CADM2: variants seen among roughly 807,000 people sequenced by gnomAD.
CADM2 encodes immunoglobulin superfamily member 4D.
A neutral mutation model predicts 49.8 loss-of-function variants in CADM2; 12 were observed. That is an observed-to-expected ratio of 0.24 (90% CI 0.15 to 0.39). The LOEUF is 0.39. CADM2 is among the 10% of genes least tolerant of loss of function. CADM2 has a pLI of 1.00. For missense variants in CADM2, 378 were observed against 492.3 expected (o/e 0.77, Z 2.20); for synonymous variants, 214 against 175.4 (o/e 1.22, Z -1.74).
At chr3:85,198,689 T>C (rs150194784) in intron 1 of CADM2, among the ~76,000 whole-genome samples, 355 of 152,046 alleles carry the variant, frequency 2.3e-3, no homozygotes, top group African/African-American at 8.0e-3. Context: ...TGTGCATACA[T>C]ATATTTAGCT....
chr3:85,375,596 C>T (rs1031563620), intron 1 of CADM2, among the ~76,000 whole-genome samples: 4 of 152,144 alleles, frequency 2.6e-5, no homozygotes, highest in African/African-American at 9.7e-5. Context: ...ACTGTCTTCC[C>T]AGCTTCCAAG....
chr3:85,387,353 T>G (rs114742085), intron 1 of CADM2, among the ~76,000 whole-genome samples: 1 of 152,306 alleles, frequency 6.6e-6, no homozygotes, highest in Non-Finnish European at 1.5e-5. Flanking sequence ...GTTATACATC[T>G]CATTAATTCT....
At chr3:85,597,014 G>A (rs1188554846) in intron 1 of CADM2, among the ~76,000 whole-genome samples, 1 of 152,064 alleles carries the variant, frequency 6.6e-6, no homozygotes, top group African/African-American at 2.4e-5. Flanking sequence ...ATGGCAGCCG[G>A]CCTTGAATAT....
At chr3:85,782,361 T>C (rs977127497) in intron 2 of CADM2, among the ~76,000 whole-genome samples, 2 of 152,116 alleles carry the variant, frequency 1.3e-5, no homozygotes, top group Non-Finnish European at 2.9e-5. Context: ...AGGAAATATA[T>C]AGTTTCAGAG....
At chr3:85,098,622 G>T (rs1215156992) in intron 1 of CADM2, among the ~76,000 whole-genome samples, 1 of 152,098 alleles carries the variant, frequency 6.6e-6, no homozygotes, top group Admixed American at 6.6e-5. Context: ...CTAAAAGAAT[G>T]TAAGGCTACA....
At chr3:85,572,299 AAAAT>A (rs908664315) in intron 1 of CADM2, among the ~76,000 whole-genome samples, 6 of 152,140 alleles carry the variant, frequency 3.9e-5, no homozygotes, top group African/African-American at 7.2e-5. Context: ...AAGTAAATAA[AAAAT>A]AAATAAACTT....
chr3:84,996,619 G>T (rs1186737797), intron 1 of CADM2, among the ~76,000 whole-genome samples: 2 of 152,022 alleles, frequency 1.3e-5, no homozygotes, highest in African/African-American at 4.8e-5. Context: ...ATCATGCTTT[G>T]TGTAATTTAT....
intron 1 of CADM2, among the ~76,000 whole-genome samples, chr3:85,196,157 C>T (rs574473920): frequency 5.9e-5 from 9 of 152,028 alleles, no homozygotes; most frequent in African/African-American, 2.2e-4. Context: ...GTTTGAATTG[C>T]CAAACTTTTT....
chr3:85,395,500 A>C (rs562844329), intron 1 of CADM2, among the ~76,000 whole-genome samples: 1 of 152,162 alleles, frequency 6.6e-6, no homozygotes, highest in South Asian at 2.1e-4. Flanking sequence ...CCGTCTAACA[A>C]ATATAAATGA....
intron 1 of CADM2, among the ~76,000 whole-genome samples, chr3:85,531,242 A>AT (rs1283778877): frequency 6.6e-6 from 1 of 151,916 alleles, no homozygotes; most frequent in Admixed American, 6.6e-5. Context: ...TTTGTCATTA[A>AT]TTTTTTGATT....
chr3:84,983,515 T>A (rs2032339433), intron 1 of CADM2, among the ~76,000 whole-genome samples: 1 of 152,176 alleles, frequency 6.6e-6, no homozygotes, highest in Non-Finnish European at 1.5e-5. Flanking sequence ...GATGAAATAA[T>A]ACCTGCATAT....
chr3:85,568,487 C>CTT lies in CADM2; in HGVS notation c.62-158033_62-158032dup, dbSNP rs1393434265. The stretch of plus-strand genomic sequence containing the variant: ...TCTCTTTCTCTCTCTTTCTTTCTTT[C>CTT]TTTCTTTCTTTCTTTCTTTCTTTCT... On this transcript the variant is annotated intron_variant, in intron 1 of 9. Transcript: ENST00000383699. Among the ~76,000 whole-genome samples, 2 of 59,988 alleles carry CTT rather than the reference C, an allele frequency of 3.3e-5. 1 individual carries two copies. Among genetic ancestry groups the CTT allele is most frequent in the Non-Finnish European group, 8.2e-5 (2 of 24,256 alleles). The allele number at this position is 59,988 out of a possible 152,430, so 39.4% of individuals were successfully genotyped here.
At chr3:85,534,247 T>C (rs927482938) in intron 1 of CADM2, among the ~76,000 whole-genome samples, 1 of 152,210 alleles carries the variant, frequency 6.6e-6, no homozygotes, top group African/African-American at 2.4e-5. Flanking sequence ...CTTATTGCTG[T>C]CATATGAAAC....
At position 85,110,624 on chromosome 3, in the gene CADM2, A is replaced by G. The variant is rs945015612; in HGVS notation, c.61+150956A>G. Among the ~76,000 whole-genome samples, 115 of 151,928 alleles carry G rather than the reference A, an allele frequency of 7.6e-4. 1 individual carries two copies. Among genetic ancestry groups the G allele is most frequent in the Non-Finnish European group, 5.9e-5 (4 of 67,848 alleles). ...AGTAGGTGGCACTGTTGGACTGTCA[A>G]AATAAAGATATATTTAAGGAAATTC... On this transcript the variant is annotated intron_variant, in intron 1 of 9. Transcript: ENST00000383699.
At chr3:85,358,008 A>G (rs2032017879) in intron 1 of CADM2, among the ~76,000 whole-genome samples, 1 of 152,140 alleles carries the variant, frequency 6.6e-6, no homozygotes, top group South Asian at 2.1e-4. Flanking sequence ...TTTATGTCCT[A>G]CAAATGTATT....
chr3:85,634,081 C>T (rs375212590), intron 1 of CADM2, among the ~76,000 whole-genome samples: 3 of 151,910 alleles, frequency 2.0e-5, no homozygotes, highest in African/African-American at 4.8e-5. Flanking sequence ...TCCTTGCTTG[C>T]GACTGCTCAT....
intron 1 of CADM2, among the ~76,000 whole-genome samples, chr3:85,141,531 T>C (rs528881088): frequency 6.6e-6 from 1 of 152,296 alleles, no homozygotes; most frequent in African/African-American, 2.4e-5. Context: ...GACCAAAACT[T>C]CTTACTTGAT....
At chr3:85,218,061 A>G (rs1336123606) in intron 1 of CADM2, among the ~76,000 whole-genome samples, 2 of 152,130 alleles carry the variant, frequency 1.3e-5, no homozygotes, top group Non-Finnish European at 1.5e-5. Flanking sequence ...TATGTTATGC[A>G]GTTGGTTATT....
chr3:86,026,329 C>T (rs1733898236), intron 8 of CADM2, among the ~76,000 whole-genome samples: 1 of 151,306 alleles, frequency 6.6e-6, no homozygotes, highest in South Asian at 2.1e-4. Flanking sequence ...GTTTTAGCCC[C>T]AACTATGCCA....
Sources: allele counts gnomAD v4.1 joint callset (sites outside exome capture counted in the v4.1 genomes callset), GRCh38; gene constraint gnomAD v4.1.1; transcripts MANE v1.5; gene names NCBI Gene and HGNC (gene_info 2026-07-23, HGNC 2026-07-21).